The following ADRM1 variants were observed in gnomAD, a reference collection of about 807,000 sequenced individuals.
ADRM1 encodes the protein ADRM1 26S proteasome ubiquitin receptor, also known as proteasomal ubiquitin receptor ADRM1.
A neutral mutation model predicts 40.1 loss-of-function variants in ADRM1; 2 were observed. The ratio of observed to expected loss-of-function variants is 0.05; its 90% confidence interval spans 0.02 to 0.16. The LOEUF (loss-of-function observed/expected upper bound fraction) is 0.16, where lower values mean the gene tolerates loss of function less well. Among genes scored for constraint, ADRM1 ranks in the 10% least tolerant of loss-of-function variants. The probability of loss-of-function intolerance (pLI) is 1.00; values close to 1 mark genes in which losing one functional copy is unlikely to be tolerated. For missense variants in ADRM1, 467 were observed against 552.5 expected, an observed-to-expected ratio of 0.85 and a Z score of 1.55; for synonymous variants, 287 against 240.4, an observed-to-expected ratio of 1.19 and a Z score of -1.79.
chr20:62,306,803 C>T, intron 5 of ADRM1, 69 bp downstream of exon 5: 5 of 1,384,284 alleles, frequency 3.6e-6, no homozygotes, highest in Non-Finnish European at 4.9e-6. Flanking sequence ...TCTCTGTTTC[C>T]TTTAAACTTC....
At chr20:62,305,783 C>A in intron 3 of ADRM1, 1 of 207,218 alleles carries the variant, frequency 4.8e-6, no homozygotes, top group Non-Finnish European at 1.0e-5. Context: ...CCTGCCGTGG[C>A]CCTGGGCCGC....
chr20:62,308,501 G>A (rs1202719840), intron 9 of ADRM1, 31 bp downstream of exon 9: 1 of 1,577,566 alleles, frequency 6.3e-7, no homozygotes, highest in South Asian at 1.2e-5. Context: ...CTCCAGGCCA[G>A]AGCCAGGGGC....
intron 5 of ADRM1, 99 bp downstream of exon 5, chr20:62,306,833 G>A (rs529329628): frequency 1.7e-6 from 2 of 1,171,350 alleles, no homozygotes; most frequent in Non-Finnish European, 2.4e-6. Flanking sequence ...TGTCTGCGTA[G>A]TGTCGGGGAG....
rs367833963 is a variant in ADRM1 at position 62,303,821 on chromosome 20, C to T, written c.213+40C>T. ...GCCGCAGCAGCAGGACAGGCGACTT[C>T]TCGGGCCCTCGGAGTCCTCGCTTTG... On this transcript the variant is annotated intron_variant, in intron 2 of 9. Transcript: ENST00000253003. The T allele has an allele frequency of 1.0e-5, 16 of 1,588,270 alleles. No individual in the cohort carries two copies. In the African/African-American group the frequency reaches 2.0e-4, roughly 20 times the overall value.
intron 3 of ADRM1, among the ~76,000 whole-genome samples, chr20:62,305,096 C>T (rs1345474141): frequency 6.6e-6 from 1 of 152,250 alleles, no homozygotes; most frequent in African/African-American, 2.4e-5. Flanking sequence ...TGCCATCTGT[C>T]AGTGACCATT....
chr20:62,307,821 C>T lies in ADRM1; in HGVS notation c.849C>T (p.Gly283=). 1.2e-6 allele frequency: 2 copies of T among 1,606,016 alleles called. No homozygotes were observed. The highest frequency in any genetic ancestry group is 8.5e-7 in the Non-Finnish European group (1 of 1,177,202). Residue 283 remains glycine (G), a synonymous_variant, in exon 7 of 10, where the codon GGC becomes GGT. Coordinates refer to ENST00000253003, the MANE Select transcript of ADRM1 (RefSeq NM_007002.4). ...ACGTACCAGCCGGGCCAGCAGGCGG[C>T]CAGCAAGGTAACGTGTGCTGTCGCC... is the stretch of plus-strand genomic sequence containing the variant. ...TMNVPAGPAG[G]QQVDLASVLT...
chr20:62,306,509 C>A (rs1984992588), intron 4 of ADRM1, 139 bp from the exon 5 acceptor site: 1 of 1,276,406 alleles, frequency 7.8e-7, no homozygotes. Flanking sequence ...CTGCATCCCA[C>A]CGTCGCCTCA....
At chr20:62,304,698 C>G (rs954842317) in intron 3 of ADRM1, 121 bp downstream of exon 3, 21 of 959,448 alleles carry the variant, frequency 2.2e-5, no homozygotes, top group Admixed American at 7.4e-5. Flanking sequence ...CCCGGCCACA[C>G]GGCCTGAGAT....
At chr20:62,306,843 G>A in intron 5 of ADRM1, 109 bp downstream of exon 5, 3 of 1,102,104 alleles carry the variant, frequency 2.7e-6, no homozygotes, top group East Asian at 2.6e-5. Context: ...GTGTCGGGGA[G>A]CCTGTGTGTC....
In ADRM1 at chr20:62,303,421, C is replaced by T; in HGVS notation, c.-1-147C>T. 5.0e-6 allele frequency: 4 copies of T among 802,410 alleles called. No homozygotes were observed. In the South Asian group the frequency reaches 7.0e-5, roughly 14 times the overall value. 49.7% of individuals were successfully genotyped at this position (802,410 alleles called of 1,614,324 possible). ...GTGCGATCGTCGTGAGCGGGGCAAACGCGGAAAGGCAGCCCGGCGTGTCTG... is the reference window on the plus strand; with the variant it reads ...GTGCGATCGTCGTGAGCGGGGCAAATGCGGAAAGGCAGCCCGGCGTGTCTG... On this transcript the variant is annotated intron_variant, in intron 1 of 9. Transcript: ENST00000253003.
In ADRM1 at chr20:62,307,452, G is replaced by A; in HGVS notation, c.623G>A (p.Ser208Asn). The A allele has an allele frequency of 6.2e-7, 1 of 1,609,146 alleles. No individual in the cohort carries two copies. Among genetic ancestry groups the A allele is most frequent in the Non-Finnish European group, 8.5e-7 (1 of 1,179,614 alleles). ...SGPPGSSSSS[S>N]SRSQSAAVTP... The stretch of plus-strand genomic sequence containing the variant: ...CCTCCAGGGAGCAGCTCCTCCTCCA[G>A]GTGAGCCTCATCGCTCCTGCCACGC... Residue 208 changes from serine to asparagine, a missense_variant and splice_region_variant, in exon 6 of 10, where the codon AGC (serine) becomes AAC (asparagine). By Grantham distance (46) the Ser-to-Asn change is conservative. Around this residue, in one of 3 missense-constraint regions of ADRM1, gnomAD observed 418 missense variants for 474.6 expected, o/e 0.88. Transcript: ENST00000253003.
chr20:62,306,121 C>G, intron 3 of ADRM1, 76 bp from the exon 4 acceptor site: 1 of 1,552,504 alleles, frequency 6.4e-7, no homozygotes, highest in South Asian at 1.2e-5. Context: ...ACCTGGAAGC[C>G]AGGTCAGAGG....
intron 5 of ADRM1, 35 bp downstream of exon 5, chr20:62,306,769 T>C (rs772807540): frequency 1.9e-5 from 30 of 1,551,756 alleles, no homozygotes; most frequent in Non-Finnish European, 7.0e-6. Flanking sequence ...GGGCAGCTTC[T>C]GCTGGGAATG....
chr20:62,306,624 C>T (rs374613783), intron 4 of ADRM1, 24 bp from the exon 5 acceptor site: 247 of 1,588,730 alleles, frequency 1.6e-4, no homozygotes, highest in Non-Finnish European at 2.0e-4. Context: ...GGGGCAGGCC[C>T]GCCTGAGCTG....
At chr20:62,305,022 G>T (rs184193291) in intron 3 of ADRM1, among the ~76,000 whole-genome samples, 1 of 152,346 alleles carries the variant, frequency 6.6e-6, no homozygotes, top group Admixed American at 6.5e-5. Flanking sequence ...GGGTGTCAGT[G>T]CCCAGGGTTT....
intron 4 of ADRM1, 85 bp from the exon 5 acceptor site, chr20:62,306,563 G>A (rs1359096328): frequency 7.1e-6 from 10 of 1,405,222 alleles, no homozygotes; most frequent in African/African-American, 4.3e-5. Flanking sequence ...AGCCGAGTGC[G>A]GTGCTCAGCA....
In ADRM1 at chr20:62,307,579, G is replaced by A; in HGVS notation, c.624-17G>A. The A allele has an allele frequency of 6.2e-7, 1 of 1,607,728 alleles. No homozygotes were observed. The highest frequency in any genetic ancestry group is 8.5e-7 in the Non-Finnish European group (1 of 1,178,538). On this transcript the variant is annotated splice_polypyrimidine_tract_variant and intron_variant, in intron 6 of 9. Transcript: ENST00000253003. The stretch of plus-strand genomic sequence containing the variant: ...TGTGGGGCGTGTCCGCTCCAGCGGT[G>A]CCCTCTCTCTTCGCAGCTCCCGGAG...
chr20:62,304,890 G>GC (rs1740726070), intron 3 of ADRM1, among the ~76,000 whole-genome samples: 1 of 152,194 alleles, frequency 6.6e-6, no homozygotes, highest in Non-Finnish European at 1.5e-5. Flanking sequence ...GGTCACTGAG[G>GC]CCCCCACAGC....
Position 62,307,784 on chromosome 20 carries a change from T to G in ADRM1, c.812T>G (p.Leu271Arg). 6.2e-7 allele frequency: 1 copy of G among 1,611,244 alleles called. No homozygotes were observed. The highest frequency in any genetic ancestry group is 8.5e-7 in the Non-Finnish European group (1 of 1,179,526). Residue 271 changes from leucine (L) to arginine (R), a missense_variant, in exon 7 of 10, where the codon CTG (leucine) becomes CGG (arginine). Around this residue, in one of 3 missense-constraint regions of ADRM1, gnomAD observed 418 missense variants for 474.6 expected, o/e 0.88. Transcript: ENST00000253003. ...PIQLSDLQSI[L>R]ATMNVPAGPA... ...CAGCTGAGCGACCTCCAGAGCATCC[T>G]GGCCACGATGAACGTACCAGCCGGG...
Sources: allele counts gnomAD v4.1 joint callset (sites outside exome capture counted in the v4.1 genomes callset), GRCh38; gene constraint gnomAD v4.1.1; regional missense constraint gnomAD v4.1.1; transcripts MANE v1.5; gene names NCBI Gene and HGNC (gene_info 2026-07-23, HGNC 2026-07-21).